The following SPOCK3 variants were observed in gnomAD, a reference collection of about 807,000 sequenced individuals.
SPOCK3 encodes testican-3.
Under a neutral mutation model 56.6 loss-of-function variants are expected in SPOCK3, and 30 were observed. That is an observed-to-expected ratio of 0.53 (90% CI 0.40 to 0.72). The LOEUF (loss-of-function observed/expected upper bound fraction) is 0.72, where lower values mean the gene tolerates loss of function less well. SPOCK3 is among the 30% of genes least tolerant of loss of function. SPOCK3 has a pLI of 0.00. For synonymous variants in SPOCK3, 196 were observed against 183.3 expected (o/e 1.07, Z -0.56); for missense variants, 527 against 530.0 (o/e 0.99, Z 0.06).
At chr4:166,933,333 C>T (rs2150000855) in intron 4 of SPOCK3, among the ~76,000 whole-genome samples, 1 of 152,290 alleles carries the variant, frequency 6.6e-6, no homozygotes, top group African/African-American at 2.4e-5. Flanking sequence ...AGGCCTTCAC[C>T]TTACTTGGGA....
intron 4 of SPOCK3, among the ~76,000 whole-genome samples, chr4:166,935,118 C>T (rs79589859): frequency 0.12 from 18,844 of 151,980 alleles, 1,806 homozygotes; most frequent in African/African-American, 0.27. Context: ...CTCAGACTTA[C>T]GGGGCTGTGG....
chr4:166,993,318 T>G (rs996328489), intron 4 of SPOCK3, among the ~76,000 whole-genome samples: 1 of 152,164 alleles, frequency 6.6e-6, no homozygotes, highest in Non-Finnish European at 1.5e-5. Context: ...AGGCGTCTAG[T>G]GCCTATGAAT....
intron 6 of SPOCK3, among the ~76,000 whole-genome samples, chr4:166,864,617 A>G (rs1280709075): frequency 6.6e-6 from 1 of 152,212 alleles, no homozygotes; most frequent in Non-Finnish European, 1.5e-5. Flanking sequence ...CTGATCCCAC[A>G]GAAATACAAA....
intron 4 of SPOCK3, among the ~76,000 whole-genome samples, chr4:166,990,655 G>A (rs1459496684): frequency 6.6e-6 from 1 of 151,926 alleles, no homozygotes; most frequent in Non-Finnish European, 1.5e-5. Context: ...ACTAGGAGGA[G>A]GTTTAGCTCT....
intron 6 of SPOCK3, among the ~76,000 whole-genome samples, chr4:166,855,883 C>G (rs533977009): frequency 6.6e-6 from 1 of 152,144 alleles, no homozygotes; most frequent in Non-Finnish European, 1.5e-5. Flanking sequence ...CATTTTGACA[C>G]TCTTATGGGG....
intron 9 of SPOCK3, among the ~76,000 whole-genome samples, chr4:166,738,464 TTTTC>T (rs1408870804): frequency 9.9e-5 from 15 of 151,634 alleles, no homozygotes; most frequent in African/African-American, 3.4e-4. Context: ...TATGGTTTTT[TTTTC>T]TTTTTTTATT....
At chr4:167,201,282 T>C (rs1317237860) in intron 2 of SPOCK3, among the ~76,000 whole-genome samples, 1 of 152,020 alleles carries the variant, frequency 6.6e-6, no homozygotes, top group Non-Finnish European at 1.5e-5. Flanking sequence ...TATAAAATTA[T>C]GATGGATTAA....
At chr4:166,794,360 G>A (rs1427216425) in intron 6 of SPOCK3, among the ~76,000 whole-genome samples, 3 of 151,950 alleles carry the variant, frequency 2.0e-5, no homozygotes, top group Admixed American at 6.6e-5. Context: ...TTGAAAAGGA[G>A]GAATTCTACA....
intron 2 of SPOCK3, among the ~76,000 whole-genome samples, chr4:167,165,815 T>TTGCA (rs1450859281): frequency 1.4e-4 from 21 of 151,930 alleles, no homozygotes; most frequent in Admixed American, 1.2e-3. Flanking sequence ...TAAGAGGGAG[T>TTGCA]TATCAGAGAT....
intron 2 of SPOCK3, among the ~76,000 whole-genome samples, chr4:167,185,335 T>C (rs1016172975): frequency 3.3e-5 from 5 of 152,228 alleles, no homozygotes; most frequent in African/African-American, 1.2e-4. Context: ...ATTCCCACCA[T>C]TGATAAATTG....
At chr4:167,090,039 G>C (rs1758566924) in intron 2 of SPOCK3, among the ~76,000 whole-genome samples, 2 of 152,074 alleles carry the variant, frequency 1.3e-5, no homozygotes, top group South Asian at 4.1e-4. Flanking sequence ...CTGCACATTT[G>C]GGTAGTTTTC....
chr4:167,002,315 C>T (rs1430500195), intron 3 of SPOCK3, among the ~76,000 whole-genome samples: 1 of 152,054 alleles, frequency 6.6e-6, no homozygotes, highest in Non-Finnish European at 1.5e-5. Flanking sequence ...ATATATCTTA[C>T]TGATTTCAAA....
At chr4:166,895,871 T>C (rs1457504198) in intron 5 of SPOCK3, among the ~76,000 whole-genome samples, 1 of 152,104 alleles carries the variant, frequency 6.6e-6, no homozygotes. Context: ...ACATAAAACA[T>C]AGTGTTTCCT....
intron 3 of SPOCK3, among the ~76,000 whole-genome samples, chr4:167,016,274 T>C (rs942553524): frequency 7.9e-5 from 12 of 152,070 alleles, no homozygotes; most frequent in African/African-American, 2.9e-4. Context: ...AAAAAGAACA[T>C]ATTTTTTAAA....
At chr4:167,008,411 A>G (rs1011656628) in intron 3 of SPOCK3, among the ~76,000 whole-genome samples, 12 of 152,096 alleles carry the variant, frequency 7.9e-5, no homozygotes, top group African/African-American at 2.7e-4. Flanking sequence ...ATTAGCATGA[A>G]GCTATAAAAA....
intron 3 of SPOCK3, among the ~76,000 whole-genome samples, chr4:167,022,186 G>A (rs1016702283): frequency 2.0e-5 from 3 of 152,082 alleles, no homozygotes; most frequent in Admixed American, 6.6e-5. Context: ...ACCTGCACCA[G>A]ATCCAGATTG....
intron 2 of SPOCK3, among the ~76,000 whole-genome samples, chr4:167,158,043 A>C (rs1461618298): frequency 6.6e-6 from 1 of 152,056 alleles, no homozygotes; most frequent in East Asian, 1.9e-4. Context: ...AAACAACTAT[A>C]TCCTTACAGC....
chr4:167,134,114 C>T (rs1013446792), intron 2 of SPOCK3, among the ~76,000 whole-genome samples: 10 of 149,752 alleles, frequency 6.7e-5, no homozygotes, highest in Non-Finnish European at 1.3e-4. Flanking sequence ...CTGCAACCTC[C>T]GCTTCCTTGG....
At chr4:167,156,301 T>C (rs1036112695) in intron 2 of SPOCK3, among the ~76,000 whole-genome samples, 3 of 152,112 alleles carry the variant, frequency 2.0e-5, no homozygotes, top group Non-Finnish European at 2.9e-5. Context: ...ATGATGATAA[T>C]TCTGTTTCAT....
Sources: gnomAD v4.1 joint callset for allele counts (sites outside exome capture counted in the v4.1 genomes callset) on GRCh38, gnomAD v4.1.1 for gene constraint, MANE v1.5 for transcripts, NCBI Gene and HGNC (gene_info 2026-07-23, HGNC 2026-07-21) for gene names.